Variants in COX18 observed in about 807,000 individuals in gnomAD.
COX18 encodes the protein cytochrome c oxidase assembly protein COX18, mitochondrial.
Under a neutral mutation model 38.0 loss-of-function variants are expected in COX18, and 45 were observed. The ratio of observed to expected loss-of-function variants is 1.18; its 90% CI spans 0.93 to 1.52. The LOEUF (loss-of-function observed/expected upper bound fraction) is 1.52, where lower values mean the gene tolerates loss of function less well. Ranked by LOEUF, COX18 falls within the 40% of genes most tolerant of loss-of-function variation. The pLI, the probability that COX18 is intolerant of heterozygous loss-of-function variation, is 0.00. For synonymous variants in COX18, 177 were observed against 169.8 expected (o/e 1.04, Z -0.33); for missense variants, 462 against 423.8 (o/e 1.09, Z -0.79).
chr4:73,066,539 A>G (rs1325178034), intron 2 of COX18, among the ~76,000 whole-genome samples: 1 of 152,166 alleles, frequency 6.6e-6, no homozygotes, highest in Non-Finnish European at 1.5e-5. Context: ...AAAACAAAAA[A>G]GAAAAGAAAA....
At position 73,053,694 on chromosome 4, in the gene COX18, T is replaced by C. The variant is rs1017345716; in HGVS notation, c.*4420A>G. The C allele has an allele frequency of 6.6e-6, 1 of 152,234 alleles. No homozygotes were observed. Among genetic ancestry groups the C allele is most frequent in the African/African-American group, 2.4e-5 (1 of 41,460 alleles). 9.4% of individuals were successfully genotyped at this position (152,234 alleles called of 1,614,324 possible). ...TACCTGAAAAGTCTTCTCCCCAAGT[T>C]TGGCTTTTCCCTCGAGGTTCTTAAT... On this transcript the variant is annotated 3_prime_UTR_variant, in exon 6 of 6. Transcript: ENST00000507544.
chr4:73,062,591 G>A (rs1720227671), intron 4 of COX18, among the ~76,000 whole-genome samples: 1 of 152,188 alleles, frequency 6.6e-6, no homozygotes, highest in South Asian at 2.1e-4. Flanking sequence ...AGAACTGGGA[G>A]GCCCAGGCAG....
In COX18 at chr4:73,058,157, T is replaced by G. The variant is rs756702349; in HGVS notation, c.962A>C (p.Asp321Ala). Reference protein sequence around the residue: ...TKSDSETPYKDIFAAFNTKFI... With the variant: ...TKSDSETPYKAIFAAFNTKFI... Reference sequence around the variant, plus strand: ...CTTGGTATTAAAGGCAGCAAATATGTCTTTATAAGGAGTTTCTGAATCTGA... The same window carrying G: ...CTTGGTATTAAAGGCAGCAAATATGGCTTTATAAGGAGTTTCTGAATCTGA... Residue 321 changes from aspartate to alanine, a missense_variant, in exon 6 of 6, where the codon GAC becomes GCC. Asp to Ala is a moderately radical substitution (Grantham distance 126). Coordinates refer to ENST00000507544, the MANE Select transcript of COX18 (RefSeq NM_001297732.2). The G allele has an allele frequency of 6.2e-7, 1 of 1,609,074 alleles. No individual in the cohort carries two copies. The highest frequency in any genetic ancestry group is 8.5e-7 in the Non-Finnish European group (1 of 1,177,984).
rs1158917362 is a variant in COX18, at chr4:73,054,503, C to T, written c.*3611G>A. 6.6e-6 allele frequency: 1 copy of T among 152,172 alleles called. No homozygotes were observed. The highest frequency in any genetic ancestry group is 2.4e-5 in the African/African-American group (1 of 41,448). 9.4% of individuals were successfully genotyped at this position (152,172 alleles called of 1,614,324 possible). ...GGGTTTATCCCAAGATCCCAGCAAC[C>T]CCCACTTGTGAGAAATTATTTTGAG... On this transcript the variant is annotated 3_prime_UTR_variant, in exon 6 of 6. Transcript: ENST00000507544.
rs114945245 is a variant in COX18, at chr4:73,055,848, C to T, written c.*2266G>A. 4 of 152,216 alleles carry T rather than the reference C, an allele frequency of 2.6e-5. No individual in the cohort carries two copies. Among genetic ancestry groups the T allele is most frequent in the Non-Finnish European group, 4.4e-5 (3 of 68,016 alleles). 9.4% of individuals were successfully genotyped at this position (152,216 alleles called of 1,614,324 possible). On this transcript the variant is annotated 3_prime_UTR_variant, in exon 6 of 6. Transcript: ENST00000507544. ...AATAATGAGGATATTTCAATTCCTT[C>T]AATGTGGTTGGAAAGCACAATTGCC...
In COX18 at chr4:73,061,949, A is replaced by AG. The variant is rs770931012; in HGVS notation, c.724-30_724-29insC. 1.8e-5 allele frequency: 21 copies of AG among 1,153,376 alleles called. No individual in the cohort carries two copies. In the Admixed American group the frequency reaches 3.8e-4, roughly 21 times the overall value. 71.4% of individuals were successfully genotyped at this position (1,153,376 alleles called of 1,614,324 possible). On this transcript the variant is annotated intron_variant, in intron 4 of 5. Coordinates refer to ENST00000507544, the MANE Select transcript of COX18 (RefSeq NM_001297732.2). ...AAGGGGTAGAACATATACATGCATAATGATTATTAAAACGCATATTAAATC... is the reference window on the plus strand; with the variant it reads ...AAGGGGTAGAACATATACATGCATAAGTGATTATTAAAACGCATATTAAATC...
At chr4:73,065,517 A>AGGATTTGTATAAGG in intron 2 of COX18, 104 bp from the exon 3 acceptor site, 1 of 1,000,622 alleles carries the variant, frequency 1.0e-6, no homozygotes, top group Non-Finnish European at 1.5e-6. Context: ...TATTAGCTAA[A>AGGATTTGTATAAGG]GGATTTGTAT....
intron 3 of COX18, 51 bp downstream of exon 3, chr4:73,065,199 T>TTA: frequency 8.6e-7 from 1 of 1,163,688 alleles, no homozygotes; most frequent in Non-Finnish European, 1.2e-6. Flanking sequence ...TTTTTTTTAG[T>TTA]ACAAAGACAA....
chr4:73,063,052 T>C (rs541659549), intron 4 of COX18, among the ~76,000 whole-genome samples: 113 of 152,176 alleles, frequency 7.4e-4, no homozygotes, highest in African/African-American at 2.5e-3. Flanking sequence ...CACCTGTAAT[T>C]CCAGCACTTT....
At chr4:73,069,725 G>A (rs1720686853), upstream of COX18, 2 of 1,391,838 alleles carry the variant, frequency 1.4e-6, no homozygotes, top group Non-Finnish European at 2.0e-6. Context: ...AGGCTGATAC[G>A]CGCACGCGCC....
intron 2 of COX18, 28 bp downstream of exon 2, chr4:73,068,001 T>A (rs375138048): frequency 1.0e-5 from 14 of 1,384,110 alleles, no homozygotes; most frequent in Non-Finnish European, 1.2e-5. Context: ...TGTGTGCGTA[T>A]GGTCTTACGT....
intron 3 of COX18, 52 bp downstream of exon 3, chr4:73,065,195 TTAG>T: frequency 8.9e-6 from 11 of 1,241,502 alleles, no homozygotes; most frequent in South Asian, 4.7e-5. Flanking sequence ...TTTTTTTTTT[TTAG>T]TACAAAGACA....
chr4:73,066,918 T>C (rs1244380535), intron 2 of COX18, among the ~76,000 whole-genome samples: 2 of 152,218 alleles, frequency 1.3e-5, no homozygotes, highest in Non-Finnish European at 2.9e-5. Context: ...TGGTTAATAA[T>C]ATACACATAA....
chr4:73,066,288 C>T (rs1003379024), intron 2 of COX18, among the ~76,000 whole-genome samples: 1 of 152,180 alleles, frequency 6.6e-6, no homozygotes, highest in Non-Finnish European at 1.5e-5. Flanking sequence ...TCCGCATAGG[C>T]ATGCCTTTGG....
In COX18 at chr4:73,057,039, T is replaced by G. The variant is rs1259986997; in HGVS notation, c.*1075A>C. ...AGTAGGCTGAGGTAGGAGAATTGCT[T>G]GAACACGGGAGGCAGAGGTTGCAGT... On this transcript the variant is annotated 3_prime_UTR_variant, in exon 6 of 6. Coordinates refer to ENST00000507544, the MANE Select transcript of COX18 (RefSeq NM_001297732.2). 5 of 151,922 alleles carry G rather than the reference T, an allele frequency of 3.3e-5. No homozygotes were observed. The highest frequency in any genetic ancestry group is 1.2e-4 in the African/African-American group (5 of 41,182). The allele number at this position is 151,922 out of a possible 1,614,324, so 9.4% of individuals were successfully genotyped here.
chr4:73,062,334 G>A (rs1257762910), intron 4 of COX18, among the ~76,000 whole-genome samples: 1 of 151,844 alleles, frequency 6.6e-6, no homozygotes, highest in Non-Finnish European at 1.5e-5. Context: ...CTCCAGCCTG[G>A]GCAATACAGC....
At chr4:73,058,717 A>G (rs1291269964) in intron 5 of COX18, among the ~76,000 whole-genome samples, 2 of 152,134 alleles carry the variant, frequency 1.3e-5, no homozygotes, top group African/African-American at 4.8e-5. Flanking sequence ...TATCTTCCAA[A>G]TGTTTCCCAA....
chr4:73,059,186 C>G (rs913714509), intron 5 of COX18, among the ~76,000 whole-genome samples: 1 of 152,186 alleles, frequency 6.6e-6, no homozygotes, highest in South Asian at 2.1e-4. Flanking sequence ...CCTATACTTA[C>G]ACCTGTTCCA....
At position 73,056,713 on chromosome 4, in the gene COX18, A is replaced by G. The variant is rs1176929217; in HGVS notation, c.*1401T>C. Reference sequence around the variant, plus strand: ...ATTGCCAGAAAATCTTCCTGGTAACAAGGAAGTCCCCGTATTGTGAGTCTT... The same window carrying G: ...ATTGCCAGAAAATCTTCCTGGTAACGAGGAAGTCCCCGTATTGTGAGTCTT... On this transcript the variant is annotated 3_prime_UTR_variant, in exon 6 of 6. Transcript: ENST00000507544. 1 of 152,164 alleles carries G rather than the reference A, an allele frequency of 6.6e-6. No homozygotes were observed. Among genetic ancestry groups the G allele is most frequent in the African/African-American group, 2.4e-5 (1 of 41,444 alleles). 9.4% of individuals were successfully genotyped at this position (152,164 alleles called of 1,614,324 possible).
Sources: allele counts gnomAD v4.1 joint callset (sites outside exome capture counted in the v4.1 genomes callset), GRCh38; gene constraint gnomAD v4.1.1; transcripts MANE v1.5; gene names NCBI Gene and HGNC (gene_info 2026-07-23, HGNC 2026-07-21).